AUTS2: variants seen among roughly 807,000 people sequenced by gnomAD.
The protein encoded by AUTS2 is activator of transcription and developmental regulator AUTS2, also known as autism susceptibility gene 2 protein.
In AUTS2, 17 loss-of-function variants were observed where a neutral mutation model predicts 112.4. The observed-to-expected ratio is 0.15, with a 90% CI of 0.10 to 0.23. The LOEUF is 0.23. Among genes scored for constraint, AUTS2 ranks in the 10% least tolerant of loss-of-function variants. The pLI is 1.00. For missense variants in AUTS2, 1,510 were observed against 1,701.6 expected (o/e 0.89, Z 1.98); for synonymous variants, 751 against 702.7 (o/e 1.07, Z -1.09).
chr7:70,700,693 G>T (rs538807398), intron 6 of AUTS2, among the ~76,000 whole-genome samples: 133 of 152,220 alleles, frequency 8.7e-4, no homozygotes, highest in Admixed American at 1.5e-3. Flanking sequence ...CTTCAAAAAG[G>T]GATTCATTGT....
At position 69,876,372 on chromosome 7, in the gene AUTS2, A is replaced by G. The variant is rs1247126433; in HGVS notation, c.310-22914A>G. On this transcript the variant is annotated intron_variant, in intron 1 of 18. Transcript: ENST00000342771. ...AAAATATATATATATATATATATAT[A>G]TATATATATATGTATATATAATATG... is the stretch of plus-strand genomic sequence containing the variant. 3.9e-4 allele frequency among the ~76,000 whole-genome samples: 46 copies of G among 116,566 alleles called. 1 individual carries two copies. The highest frequency in any genetic ancestry group is 1.5e-3 in the African/African-American group (46 of 30,318). The allele number at this position is 116,566 out of a possible 152,430, so 76.5% of individuals were successfully genotyped here. A position where few individuals can be genotyped will look rare whatever the true frequency, so the allele number is the denominator to read the frequency against.
intron 2 of AUTS2, among the ~76,000 whole-genome samples, chr7:70,080,115 T>C (rs568805252): frequency 9.8e-5 from 15 of 152,298 alleles, no homozygotes; most frequent in African/African-American, 3.4e-4. Flanking sequence ...ACCATAGCAC[T>C]GTACAAATCC....
At chr7:70,129,699 T>C (rs1295829409) in intron 3 of AUTS2, among the ~76,000 whole-genome samples, 4 of 152,296 alleles carry the variant, frequency 2.6e-5, no homozygotes, top group Admixed American at 6.5e-5. Flanking sequence ...AGAGCAAGAA[T>C]GAAATCAGAG....
chr7:70,491,569 G>GTA (rs1440563932), intron 5 of AUTS2, among the ~76,000 whole-genome samples: 3 of 144,122 alleles, frequency 2.1e-5, no homozygotes, highest in Non-Finnish European at 4.5e-5. Flanking sequence ...TATATTATGT[G>GTA]TATATATAAT....
chr7:70,359,904 G>A (rs189086241), intron 4 of AUTS2, among the ~76,000 whole-genome samples: 1 of 152,284 alleles, frequency 6.6e-6, no homozygotes, highest in Non-Finnish European at 1.5e-5. Context: ...ACTTTGATGT[G>A]GCAGTGATAG....
intron 6 of AUTS2, among the ~76,000 whole-genome samples, chr7:70,700,266 C>T (rs556416319): frequency 6.6e-6 from 1 of 152,240 alleles, no homozygotes; most frequent in East Asian, 1.9e-4. Context: ...TGACAGGGTG[C>T]CTTTCTTCTG....
chr7:69,778,400 T>A (rs210594), intron 1 of AUTS2, among the ~76,000 whole-genome samples: 57,616 of 149,710 alleles, frequency 0.38, 11,290 homozygotes, highest in African/African-American at 0.47. Context: ...CCAGGGAGTT[T>A]AAAAAAAAAC....
At chr7:69,973,614 C>G (rs1420194157) in intron 2 of AUTS2, among the ~76,000 whole-genome samples, 1 of 151,940 alleles carries the variant, frequency 6.6e-6, no homozygotes, top group Non-Finnish European at 1.5e-5. Context: ...CTTTCTATTC[C>G]TAGTTTTCTG....
At chr7:70,755,486 G>A (rs1224767001) in intron 6 of AUTS2, among the ~76,000 whole-genome samples, 1 of 152,012 alleles carries the variant, frequency 6.6e-6, no homozygotes, top group Non-Finnish European at 1.5e-5. Context: ...GGCCAACATG[G>A]TGAAACCCCA....
intron 5 of AUTS2, among the ~76,000 whole-genome samples, chr7:70,572,114 A>C (rs1486538777): frequency 2.6e-5 from 4 of 152,178 alleles, no homozygotes; most frequent in African/African-American, 9.6e-5. Context: ...TATGCATTCG[A>C]GTTCCCATGG....
intron 6 of AUTS2, among the ~76,000 whole-genome samples, chr7:70,730,476 G>A (rs112972059): frequency 5.9e-5 from 9 of 152,228 alleles, no homozygotes; most frequent in African/African-American, 1.9e-4. Context: ...GGCTTTGCCC[G>A]TTCCTGGGCA....
chr7:70,421,108 GA>G (rs1396598644), intron 4 of AUTS2, among the ~76,000 whole-genome samples: 3 of 152,102 alleles, frequency 2.0e-5, no homozygotes, highest in Non-Finnish European at 4.4e-5. Context: ...TTAGAAGACT[GA>G]AAGATGCCAC....
At chr7:69,737,050 A>T (rs1380600998) in intron 1 of AUTS2, among the ~76,000 whole-genome samples, 2 of 152,116 alleles carry the variant, frequency 1.3e-5, no homozygotes, top group Non-Finnish European at 2.9e-5. Context: ...TTCATTTGTT[A>T]TTGAGAGCAG....
chr7:70,722,277 A>T (rs1183125601), intron 6 of AUTS2, among the ~76,000 whole-genome samples: 4 of 149,078 alleles, frequency 2.7e-5, no homozygotes, highest in African/African-American at 9.8e-5. Flanking sequence ...TTAAAAAAAA[A>T]TTCCATTTTC....
At chr7:70,039,942 A>G (rs1216922406) in intron 2 of AUTS2, among the ~76,000 whole-genome samples, 1 of 152,198 alleles carries the variant, frequency 6.6e-6, no homozygotes, top group Non-Finnish European at 1.5e-5. Context: ...CAAGGAGCTC[A>G]CAGTAGAACC....
intron 6 of AUTS2, among the ~76,000 whole-genome samples, chr7:70,707,508 C>G (rs1157375830): frequency 6.6e-6 from 1 of 152,128 alleles, no homozygotes; most frequent in Non-Finnish European, 1.5e-5. Flanking sequence ...GAGGGAGACA[C>G]AAAGCGGGAT....
At chr7:69,861,885 T>C (rs1793001437) in intron 1 of AUTS2, among the ~76,000 whole-genome samples, 1 of 152,204 alleles carries the variant, frequency 6.6e-6, no homozygotes, top group South Asian at 2.1e-4. Context: ...TTGTTTAGAC[T>C]TTTGGTGATG....
rs752005612 is a variant in AUTS2 at position 70,771,544 on chromosome 7, C to T, written c.1735-5C>T. ...TTTTTTCCCCCTCTCCGTCTTTGGC[C>T]ACAGCTCTTCCATTCCTATCCTCCT... On this transcript the variant is annotated splice_polypyrimidine_tract_variant and splice_region_variant and intron_variant, in intron 10 of 18. Coordinates refer to ENST00000342771, the MANE Select transcript of AUTS2 (RefSeq NM_015570.4). 5 of 1,605,628 alleles carry T rather than the reference C, an allele frequency of 3.1e-6. No individual in the cohort carries two copies. Among genetic ancestry groups the T allele is most frequent in the Non-Finnish European group, 4.3e-6 (5 of 1,174,478 alleles).
At chr7:70,222,528 C>T (rs1157908189) in intron 4 of AUTS2, among the ~76,000 whole-genome samples, 1 of 151,590 alleles carries the variant, frequency 6.6e-6, no homozygotes, top group East Asian at 1.9e-4. Flanking sequence ...TATTTTTCCT[C>T]TAGTATAACA....
Sources: gnomAD v4.1 joint callset for allele counts (sites outside exome capture counted in the v4.1 genomes callset) on GRCh38, gnomAD v4.1.1 for gene constraint, MANE v1.5 for transcripts, NCBI Gene and HGNC (gene_info 2026-07-23, HGNC 2026-07-21) for gene names.